The following AGBL4 variants were observed in gnomAD, a reference collection of about 807,000 sequenced individuals.
AGBL4 encodes the protein cytosolic carboxypeptidase 6.
Under a neutral mutation model 66.4 loss-of-function variants are expected in AGBL4, and 58 were observed. The observed-to-expected ratio is 0.87, with a 90% CI of 0.71 to 1.09. The LOEUF (loss-of-function observed/expected upper bound fraction) is 1.09, where lower values mean the gene tolerates loss of function less well. Among genes scored for constraint, AGBL4 ranks in the 50% least tolerant of loss-of-function variants. The probability of loss-of-function intolerance (pLI) is 0.00; values close to 1 mark genes in which losing one functional copy is unlikely to be tolerated. For missense variants in AGBL4, 579 were observed against 631.0 expected (o/e 0.92, Z 0.88); for synonymous variants, 234 against 222.9 (o/e 1.05, Z -0.44).
At chr1:48,703,496 G>T (rs1310360114) in intron 6 of AGBL4, among the ~76,000 whole-genome samples, 1 of 152,090 alleles carries the variant, frequency 6.6e-6, no homozygotes, top group Non-Finnish European at 1.5e-5. Flanking sequence ...TTCCTGGTAG[G>T]GATGGGGTAT....
chr1:49,531,498 AAC>A (rs1362442170), intron 3 of AGBL4, among the ~76,000 whole-genome samples: 13 of 152,164 alleles, frequency 8.5e-5, no homozygotes, highest in African/African-American at 2.9e-4. Flanking sequence ...ATTTCTGTGA[AAC>A]AGTCATAAAC....
At chr1:49,116,137 C>A (rs1229232886) in intron 4 of AGBL4, among the ~76,000 whole-genome samples, 1 of 152,032 alleles carries the variant, frequency 6.6e-6, no homozygotes, top group Non-Finnish European at 1.5e-5. Context: ...TTTTTTAAAG[C>A]TCTTTCAAAG....
chr1:48,746,185 G>A (rs868137821), intron 6 of AGBL4, among the ~76,000 whole-genome samples: 5 of 152,208 alleles, frequency 3.3e-5, no homozygotes, highest in South Asian at 2.1e-4. Flanking sequence ...ATATATATTC[G>A]TATATTTATA....
At chr1:49,112,683 A>G (rs998825980) in intron 4 of AGBL4, among the ~76,000 whole-genome samples, 1 of 152,206 alleles carries the variant, frequency 6.6e-6, no homozygotes, top group Non-Finnish European at 1.5e-5. Context: ...GGTAGATTCT[A>G]TCTCAAGAAA....
intron 3 of AGBL4, among the ~76,000 whole-genome samples, chr1:49,536,043 T>C (rs539772026): frequency 6.6e-6 from 1 of 152,370 alleles, no homozygotes; most frequent in African/African-American, 2.4e-5. Flanking sequence ...GAGTTCCTTT[T>C]AGTAGTTGTT....
At chr1:49,195,156 T>C (rs1647204177) in intron 4 of AGBL4, among the ~76,000 whole-genome samples, 1 of 152,170 alleles carries the variant, frequency 6.6e-6, no homozygotes, top group Admixed American at 6.5e-5. Flanking sequence ...TTTATTCCTA[T>C]GTCTGTTTGT....
At chr1:48,888,792 C>T (rs534366896) in intron 5 of AGBL4, among the ~76,000 whole-genome samples, 12 of 152,326 alleles carry the variant, frequency 7.9e-5, no homozygotes, top group Admixed American at 3.3e-4. Flanking sequence ...GTTGTGTATG[C>T]TTTGTTCCTT....
At chr1:49,079,487 G>A (rs760177097) in intron 4 of AGBL4, among the ~76,000 whole-genome samples, 3 of 152,102 alleles carry the variant, frequency 2.0e-5, no homozygotes, top group Non-Finnish European at 2.9e-5. Flanking sequence ...ATCAGTTCTC[G>A]TGAGAACTCA....
intron 6 of AGBL4, among the ~76,000 whole-genome samples, chr1:48,746,843 C>T (rs972198212): frequency 2.0e-5 from 3 of 152,174 alleles, no homozygotes; most frequent in African/African-American, 7.2e-5. Context: ...CAGACAGAAG[C>T]TGGCAAAACG....
intron 9 of AGBL4, 95 bp from the exon 10 acceptor site, chr1:48,591,080 A>ACC (rs1644909627): frequency 7.4e-6 from 6 of 808,962 alleles, no homozygotes; most frequent in African/African-American, 4.6e-5. Context: ...CCCCCCACAC[A>ACC]CACCCACCCA....
chr1:49,698,789 A>C (rs1339399508), intron 2 of AGBL4, among the ~76,000 whole-genome samples: 1 of 152,150 alleles, frequency 6.6e-6, no homozygotes, highest in Non-Finnish European at 1.5e-5. Flanking sequence ...ATTCACTTCA[A>C]TATTCAAAGA....
At chr1:49,933,282 A>G (rs1653554391) in intron 1 of AGBL4, among the ~76,000 whole-genome samples, 1 of 152,152 alleles carries the variant, frequency 6.6e-6, no homozygotes, top group South Asian at 2.1e-4. Context: ...GTAATAAAAA[A>G]AACTGTCAAC....
At chr1:49,792,239 G>T (rs1644618918) in intron 2 of AGBL4, among the ~76,000 whole-genome samples, 2 of 151,970 alleles carry the variant, frequency 1.3e-5, no homozygotes, top group Non-Finnish European at 2.9e-5. Flanking sequence ...AGATTTATTA[G>T]AATTTTAAAA....
chr1:49,254,381 A>G (rs1652309718), intron 3 of AGBL4, among the ~76,000 whole-genome samples: 1 of 152,118 alleles, frequency 6.6e-6, no homozygotes, highest in South Asian at 2.1e-4. Context: ...CAGTCAATCC[A>G]TAAGCCAAAT....
At chr1:49,493,492 T>C (rs971292300) in intron 3 of AGBL4, among the ~76,000 whole-genome samples, 3 of 151,966 alleles carry the variant, frequency 2.0e-5, no homozygotes, top group Admixed American at 6.6e-5. Context: ...GAAAGATGAG[T>C]GGGACAACAG....
intron 4 of AGBL4, among the ~76,000 whole-genome samples, chr1:49,237,114 T>A (rs1650817389): frequency 6.7e-6 from 1 of 149,312 alleles, no homozygotes; most frequent in Admixed American, 6.7e-5. Flanking sequence ...AAAAAAAAAA[T>A]TAGCTGGACA....
intron 8 of AGBL4, among the ~76,000 whole-genome samples, chr1:48,653,095 G>A (rs972893183): frequency 1.3e-5 from 2 of 152,148 alleles, no homozygotes; most frequent in Non-Finnish European, 2.9e-5. Flanking sequence ...ACTGAGACTA[G>A]GTCTCCTGAT....
intron 4 of AGBL4, among the ~76,000 whole-genome samples, chr1:49,109,401 T>A (rs1557647786): frequency 6.6e-6 from 1 of 152,124 alleles, no homozygotes; most frequent in Non-Finnish European, 1.5e-5. Flanking sequence ...AATCTCAAAA[T>A]CCCTCTGGCA....
At chr1:49,947,200 C>T (rs760996997) in intron 1 of AGBL4, among the ~76,000 whole-genome samples, 9 of 151,844 alleles carry the variant, frequency 5.9e-5, no homozygotes, top group Admixed American at 2.6e-4. Flanking sequence ...TCTATGAAGC[C>T]AATATCACCC....
Sources: allele counts gnomAD v4.1 joint callset (sites outside exome capture counted in the v4.1 genomes callset), GRCh38; gene constraint gnomAD v4.1.1; transcripts MANE v1.5; gene names NCBI Gene and HGNC (gene_info 2026-07-23, HGNC 2026-07-21).